Variants in PCDHGC4 observed in about 807,000 individuals in gnomAD.
PCDHGC4 encodes the protein protocadherin gamma subfamily C, 4, also known as protocadherin gamma-C4.
In PCDHGC4, 15 loss-of-function variants were observed where a neutral mutation model predicts 59.7. That is an observed-to-expected ratio of 0.25 (90% CI 0.17 to 0.39). The LOEUF (loss-of-function observed/expected upper bound fraction) is 0.39. Among genes scored for constraint, PCDHGC4 ranks in the 10% least tolerant of loss-of-function variants. PCDHGC4 has a pLI of 1.00. For synonymous variants in PCDHGC4, 434 were observed against 481.4 expected (o/e 0.90, Z 1.29); for missense variants, 1,016 against 1,189.5 (o/e 0.85, Z 2.15).
chr5:141,491,119 G>A lies in PCDHGC4; in HGVS notation c.2442+3504G>A. 6.2e-7 allele frequency: 1 copy of A among 1,614,216 alleles called. No individual in the cohort carries two copies. The highest frequency in any genetic ancestry group is 1.1e-5 in the South Asian group (1 of 91,086). ...GTTCCTCGTGTCTACACACACTGGT[G>A]AGGTGCGCACAGCCCGGGCCTTACT... On this transcript the variant is annotated intron_variant, in intron 1 of 3. Transcript: ENST00000306593. The surrounding 1 kb of genome is among the most constrained non-coding windows in gnomAD (Gnocchi z 6.9).
Position 141,490,703 on chromosome 5 carries a change from G to GCCT in PCDHGC4, c.2442+3090_2442+3092dup. 6.2e-7 allele frequency: 1 copy of GCCT among 1,614,110 alleles called. No individual in the cohort carries two copies. The highest frequency in any genetic ancestry group is 8.5e-7 in the Non-Finnish European group (1 of 1,180,000). Reference sequence around the variant, plus strand: ...GATCCAGACACTGGGGATAATGCCCGCCTCACCTACTCCATTGTAGGAAAT... The same window carrying GCCT: ...GATCCAGACACTGGGGATAATGCCCGCCTCCTCACCTACTCCATTGTAGGAAAT... On this transcript the variant is annotated intron_variant, in intron 1 of 3. Transcript: ENST00000306593. This position sits in a 1 kb window ranked among gnomAD's most constrained non-coding sequence, Gnocchi z 5.4.
intron 1 of PCDHGC4, among the ~76,000 whole-genome samples, chr5:141,492,745 C>G (rs2099743569): frequency 6.6e-6 from 1 of 152,262 alleles, no homozygotes; most frequent in Non-Finnish European, 1.5e-5. Flanking sequence ...GTGGCCGAGG[C>G]GCGGCAGGGC....
At chr5:141,498,971 GGGAAGGAA>G (rs201769957) in intron 2 of PCDHGC4, among the ~76,000 whole-genome samples, 18,877 of 110,786 alleles carry the variant, frequency 0.17, 1,784 homozygotes, top group Admixed American at 0.31. Context: ...GAGGGAGGGA[GGGAAGGAA>G]GGAAGGAAGG....
intron 2 of PCDHGC4, among the ~76,000 whole-genome samples, chr5:141,500,942 C>T (rs937418207): frequency 2.0e-5 from 3 of 151,926 alleles, no homozygotes; most frequent in Non-Finnish European, 4.4e-5. Context: ...CATCTCGGCT[C>T]ACTGCAAGCT....
At position 141,485,729 on chromosome 5, in the gene PCDHGC4, A is replaced by G. The variant is rs2099618322; in HGVS notation, c.556A>G (p.Ser186Gly). 6.2e-7 allele frequency: 1 copy of G among 1,614,092 alleles called. No individual in the cohort carries two copies. The highest frequency in any genetic ancestry group is 1.1e-5 in the South Asian group (1 of 91,094). ...CTTTGCACTGGATGTGAAGAAGCGCAGCGACGGCAGCCTGGTCCCAGAGCT... is the reference window on the plus strand; with the variant it reads ...CTTTGCACTGGATGTGAAGAAGCGCGGCGACGGCAGCCTGGTCCCAGAGCT... ...EHFALDVKKRSDGSLVPELLL... is the reference protein window; with the variant it reads ...EHFALDVKKRGDGSLVPELLL... The change falls in exon 1 of 4, where the codon AGC (serine) becomes GGC (glycine). Residue 186 changes from serine to glycine, a missense_variant. By Grantham distance (56) the Ser-to-Gly change is moderately conservative. Coordinates refer to ENST00000306593, the MANE Select transcript of PCDHGC4 (RefSeq NM_018928.3). This position sits in a 1 kb window ranked among gnomAD's most constrained non-coding sequence, Gnocchi z 5.7.
In PCDHGC4 at chr5:141,491,357, T is replaced by C; in HGVS notation, c.2443-3450T>C. 6.2e-7 allele frequency: 1 copy of C among 1,614,144 alleles called. No homozygotes were observed. Among genetic ancestry groups the C allele is most frequent in the South Asian group, 1.1e-5 (1 of 91,080 alleles). On this transcript the variant is annotated intron_variant, in intron 1 of 3. Transcript: ENST00000306593. This position sits in a 1 kb window ranked among gnomAD's most constrained non-coding sequence, Gnocchi z 6.9. ...CTAGCGACCGTCAGTCTCTTATCCCTAGTCACCTTCACCTTTCTGTCAGCG... is the reference window on the plus strand; with the variant it reads ...CTAGCGACCGTCAGTCTCTTATCCCCAGTCACCTTCACCTTTCTGTCAGCG...
chr5:141,490,243 G>A lies in PCDHGC4; in HGVS notation c.2442+2628G>A, dbSNP rs1431165990. 1 of 1,614,238 alleles carries A rather than the reference G, an allele frequency of 6.2e-7. No individual in the cohort carries two copies. The highest frequency in any genetic ancestry group is 8.5e-7 in the Non-Finnish European group (1 of 1,180,038). The stretch of plus-strand genomic sequence containing the variant: ...ACAGCCTGCCATGGAGGGCCACTGT[G>A]TGATTCAAGTGGATGTGGGGGATGT... On this transcript the variant is annotated intron_variant, in intron 1 of 3. Coordinates refer to ENST00000306593, the MANE Select transcript of PCDHGC4 (RefSeq NM_018928.3). This position sits in a 1 kb window ranked among gnomAD's most constrained non-coding sequence, Gnocchi z 5.4.
rs114918874 is a variant in PCDHGC4 at position 141,487,585 on chromosome 5, C to T, written c.2412C>T (p.Cys804=). Residue 804 remains cysteine (C), a synonymous_variant, in exon 1 of 4, where the codon TGC becomes TGT. Transcript: ENST00000306593. This position sits in a 1 kb window ranked among gnomAD's most constrained non-coding sequence, Gnocchi z 5.0. ...PMAGEPVRPS[C]PPSDLLYGLE... is the part of the protein sequence containing the mutation. Reference sequence around the variant, plus strand: ...CAGGGGAGCCTGTTCGCCCAAGCTGCCCACCCTCTGATCTTCTCTATGGGC... The same window carrying T: ...CAGGGGAGCCTGTTCGCCCAAGCTGTCCACCCTCTGATCTTCTCTATGGGC... 7,902 of 1,614,160 alleles carry T rather than the reference C, an allele frequency of 4.9e-3. 42 individuals are homozygous for T. The highest frequency in any genetic ancestry group is 8.8e-3 in the Admixed American group (531 of 60,020).
intron 2 of PCDHGC4, among the ~76,000 whole-genome samples, chr5:141,503,963 C>T (rs900066192): frequency 7.2e-5 from 11 of 152,188 alleles, no homozygotes; most frequent in Admixed American, 6.5e-4. Flanking sequence ...ACAGCCTTTC[C>T]CATGGTGCCA....
In PCDHGC4 at chr5:141,493,026, C is replaced by T. The variant is rs73280358; in HGVS notation, c.2443-1781C>T. 6.6e-6 allele frequency among the ~76,000 whole-genome samples: 1 copy of T among 152,190 alleles called. No individual in the cohort carries two copies. The highest frequency in any genetic ancestry group is 1.5e-5 in the Non-Finnish European group (1 of 68,034). Reference sequence around the variant, plus strand: ...TAGGCTCTGCCAGATGCCAGGGTGCCCTTATGTGTGAGGAAACTACAATAG... The same window carrying T: ...TAGGCTCTGCCAGATGCCAGGGTGCTCTTATGTGTGAGGAAACTACAATAG... On this transcript the variant is annotated intron_variant, in intron 1 of 3. Coordinates refer to ENST00000306593, the MANE Select transcript of PCDHGC4 (RefSeq NM_018928.3). This position sits in a 1 kb window ranked among gnomAD's most constrained non-coding sequence, Gnocchi z 4.3.
Position 141,487,870 on chromosome 5 carries a change from C to A in PCDHGC4, c.2442+255C>A. On this transcript the variant is annotated intron_variant, in intron 1 of 3. Transcript: ENST00000306593. This position sits in a 1 kb window ranked among gnomAD's most constrained non-coding sequence, Gnocchi z 5.0. ...AATGAAAGTAATTGGTGATCAAGAGCCAGGCTGTTGTGGAAGCATGATGAT... is the reference window on the plus strand; with the variant it reads ...AATGAAAGTAATTGGTGATCAAGAGACAGGCTGTTGTGGAAGCATGATGAT... 3.5e-6 allele frequency: 3 copies of A among 865,052 alleles called. No individual in the cohort carries two copies. The highest frequency in any genetic ancestry group is 5.3e-6 in the Non-Finnish European group (3 of 568,628). The allele number at this position is 865,052 out of a possible 1,614,324, so 53.6% of individuals were successfully genotyped here.
In PCDHGC4 at chr5:141,486,885, G is replaced by C. The variant is rs139638334; in HGVS notation, c.1712G>C (p.Arg571Pro). 1.2e-6 allele frequency: 2 copies of C among 1,614,076 alleles called. No individual in the cohort carries two copies. Among genetic ancestry groups the C allele is most frequent in the East Asian group, 4.5e-5 (2 of 44,892 alleles). Residue 571 changes from arginine to proline, a missense_variant, in exon 1 of 4, where the codon CGG becomes CCG. By Grantham distance (103) the Arg-to-Pro change is moderately radical (BLOSUM62 -2). Coordinates refer to ENST00000306593, the MANE Select transcript of PCDHGC4 (RefSeq NM_018928.3). This position sits in a 1 kb window ranked among gnomAD's most constrained non-coding sequence, Gnocchi z 5.0. ...CCAGCTGTGCTCCGTCCTCGGGCCC[G>C]GCCTGGTTCCTTATGTCCCCAAGCA... ...NAPAVLRPRA[R>P]PGSLCPQALP... is the part of the protein sequence containing the mutation.
Position 141,491,722 on chromosome 5 carries a change from CG to C in PCDHGC4, c.2443-3082del. Reference sequence around the variant, plus strand: ...CCAGGTGAGGGGCTCGGCGCCGCCCCGGGCGACCCCTGGGGGCGGCACTGGA... The same window carrying C: ...CCAGGTGAGGGGCTCGGCGCCGCCCCGGCGACCCCTGGGGGCGGCACTGGA... On this transcript the variant is annotated intron_variant, in intron 1 of 3. Transcript: ENST00000306593. The surrounding 1 kb of genome is among the most constrained non-coding windows in gnomAD (Gnocchi z 6.9). The C allele has an allele frequency of 1.2e-6, 2 of 1,607,004 alleles. No homozygotes were observed. Among genetic ancestry groups the C allele is most frequent in the Non-Finnish European group, 1.7e-6 (2 of 1,177,148 alleles).
intron 2 of PCDHGC4, among the ~76,000 whole-genome samples, chr5:141,503,081 C>G (rs1354848667): frequency 6.6e-6 from 1 of 151,960 alleles, no homozygotes; most frequent in Non-Finnish European, 1.5e-5. Flanking sequence ...TCTCGATCTC[C>G]TGACCTCGTG....
chr5:141,487,718 A>G lies in PCDHGC4; in HGVS notation c.2442+103A>G. Reference sequence around the variant, plus strand: ...TACTGGCCTCTCAGTAAGTGCCCATAGTGATGTCACCATTTTTGTAAGAGG... The same window carrying G: ...TACTGGCCTCTCAGTAAGTGCCCATGGTGATGTCACCATTTTTGTAAGAGG... On this transcript the variant is annotated intron_variant, in intron 1 of 3. Coordinates refer to ENST00000306593, the MANE Select transcript of PCDHGC4 (RefSeq NM_018928.3). The surrounding 1 kb of genome is among the most constrained non-coding windows in gnomAD (Gnocchi z 5.0). The G allele has an allele frequency of 1.3e-6, 2 of 1,580,268 alleles. No individual in the cohort carries two copies. The highest frequency in any genetic ancestry group is 1.7e-6 in the Non-Finnish European group (2 of 1,161,186).
chr5:141,498,827 G>C (rs2099786072), intron 2 of PCDHGC4, among the ~76,000 whole-genome samples: 1 of 152,102 alleles, frequency 6.6e-6, no homozygotes, highest in Non-Finnish European at 1.5e-5. Context: ...CAGCTACTCA[G>C]GAGGCTGAGG....
Position 141,489,273 on chromosome 5 carries a change from G to GA in PCDHGC4, c.2442+1661dup. The GA allele has an allele frequency of 6.4e-7, 1 of 1,555,870 alleles. No individual in the cohort carries two copies. The highest frequency in any genetic ancestry group is 2.2e-5 in the East Asian group (1 of 44,466). On this transcript the variant is annotated intron_variant, in intron 1 of 3. Coordinates refer to ENST00000306593, the MANE Select transcript of PCDHGC4 (RefSeq NM_018928.3). The surrounding 1 kb of genome is among the most constrained non-coding windows in gnomAD (Gnocchi z 4.5). ...CCAAGACACTCCCACAGCTCGCTGG[G>GA]AAATGGCAAGTGCTGTGCATGTTGT...
chr5:141,501,290 T>C lies in PCDHGC4; in HGVS notation c.2502-4103T>C, dbSNP rs796726601. Among the ~76,000 whole-genome samples, 19 of 136,248 alleles carry C rather than the reference T, an allele frequency of 1.4e-4. No individual in the cohort carries two copies. The South Asian group carries it at 2.4e-3, about 17-fold the overall frequency. 89.4% of individuals were successfully genotyped at this position (136,248 alleles called of 152,430 possible). ...GTCCAGTCTATGGGATATTCCCTTA[T>C]ACACACACACACACACACACACACA... On this transcript the variant is annotated intron_variant, in intron 2 of 3. Coordinates refer to ENST00000306593, the MANE Select transcript of PCDHGC4 (RefSeq NM_018928.3).
At chr5:141,500,250 C>T (rs913074120) in intron 2 of PCDHGC4, among the ~76,000 whole-genome samples, 4 of 149,826 alleles carry the variant, frequency 2.7e-5, no homozygotes, top group African/African-American at 9.9e-5. Flanking sequence ...GCTCTGTCAC[C>T]CAGGCTGGAC....
Sources: gnomAD v4.1 joint callset for allele counts (sites outside exome capture counted in the v4.1 genomes callset) on GRCh38, gnomAD v4.1.1 for gene constraint, Gnocchi (gnomAD v3.1) non-coding constraint, MANE v1.5 for transcripts, NCBI Gene and HGNC (gene_info 2026-07-23, HGNC 2026-07-21) for gene names.